The following NNT variants were observed in gnomAD, a reference collection of about 807,000 sequenced individuals.
NNT encodes the protein nicotinamide nucleotide transhydrogenase.
A neutral mutation model predicts 104.8 loss-of-function variants in NNT; 50 were observed. The observed-to-expected ratio is 0.48, with a 90% CI of 0.38 to 0.60. The LOEUF is 0.60. Ranked by LOEUF, NNT falls within the 20% of genes least tolerant of loss-of-function variation. NNT has a pLI of 0.00. For synonymous variants in NNT, 461 were observed against 490.4 expected, an observed-to-expected ratio of 0.94 and a Z score of 0.79; for missense variants, 1,131 against 1,330.7, an observed-to-expected ratio of 0.85 and a Z score of 2.33.
intron 17 of NNT, chr5:43,666,737 C>T (rs1419233635): frequency 7.5e-6 from 9 of 1,204,790 alleles, no homozygotes; most frequent in Middle Eastern, 2.9e-4. Context: ...TCGCACCAGT[C>T]CTTCTGTCCT....
At chr5:43,650,075 T>C (rs1362998698) in intron 11 of NNT, among the ~76,000 whole-genome samples, 3 of 152,228 alleles carry the variant, frequency 2.0e-5, no homozygotes, top group Admixed American at 2.0e-4. Flanking sequence ...CATTTACAGT[T>C]CATGAATACT....
chr5:43,676,743 T>C (rs1187075287), intron 18 of NNT, among the ~76,000 whole-genome samples: 1 of 152,124 alleles, frequency 6.6e-6, no homozygotes, highest in African/African-American at 2.4e-5. Flanking sequence ...TTAAGTCAGA[T>C]AGGTAGATCA....
chr5:43,644,111 C>A, intron 7 of NNT, 81 bp from the exon 8 acceptor site: 1 of 1,314,724 alleles, frequency 7.6e-7, no homozygotes, highest in Non-Finnish European at 1.1e-6. Flanking sequence ...TCCTGAATGC[C>A]CAGAGACTAC....
intron 21 of NNT, among the ~76,000 whole-genome samples, chr5:43,703,686 A>G (rs1243687698): frequency 6.6e-6 from 1 of 152,188 alleles, no homozygotes; most frequent in Non-Finnish European, 1.5e-5. Context: ...TAACATATCA[A>G]TATTATAGAT....
chr5:43,672,348 G>C (rs563581158), intron 17 of NNT, among the ~76,000 whole-genome samples: 1 of 152,330 alleles, frequency 6.6e-6, no homozygotes, highest in Admixed American at 6.5e-5. Context: ...CCTTTGGAGG[G>C]GGGAGAGGCG....
At position 43,633,634 on chromosome 5, in the gene NNT, G is replaced by T. The variant is rs373411371; in HGVS notation, c.964+5247G>T. 7.2e-5 allele frequency among the ~76,000 whole-genome samples: 11 copies of T among 152,302 alleles called. No individual in the cohort carries two copies. The East Asian group carries it at 1.5e-3, about 21-fold the overall frequency. On this transcript the variant is annotated intron_variant, in intron 7 of 21. Transcript: ENST00000344920. Reference sequence around the variant, plus strand: ...GTTATCTTGTCTCCCAGTGAGTGCAGCAGGAGTCTTTGATTTATGCCAGCG... The same window carrying T: ...GTTATCTTGTCTCCCAGTGAGTGCATCAGGAGTCTTTGATTTATGCCAGCG...
chr5:43,654,719 G>A (rs565047861), intron 14 of NNT, among the ~76,000 whole-genome samples: 11 of 152,292 alleles, frequency 7.2e-5, no homozygotes, highest in Admixed American at 3.9e-4. Flanking sequence ...AAAATTGTGT[G>A]CTAGCCACCT....
intron 19 of NNT, among the ~76,000 whole-genome samples, chr5:43,687,030 G>C (rs1742024207): frequency 6.6e-6 from 1 of 152,158 alleles, no homozygotes; most frequent in Non-Finnish European, 1.5e-5. Flanking sequence ...TGGGCACACT[G>C]TGTTGTTTAA....
chr5:43,677,771 G>A lies in NNT; in HGVS notation c.2841G>A (p.Leu947=). 6.2e-7 allele frequency: 1 copy of A among 1,613,726 alleles called. No individual in the cohort carries two copies. The highest frequency in any genetic ancestry group is 8.5e-7 in the Non-Finnish European group (1 of 1,179,740). Residue 947 remains leucine, a synonymous_variant, in exon 19 of 22, where the codon TTG becomes TTA. Coordinates refer to ENST00000344920, the MANE Select transcript of NNT (RefSeq NM_182977.3). ...AAKAQYPIAD[L]VKMLTEQGKK... is the part of the protein sequence containing the mutation. The stretch of plus-strand genomic sequence containing the variant: ...AAGCTCAATACCCCATTGCTGATTT[G>A]GTAAAGATGCTCACTGAGCAAGGCA...
chr5:43,671,497 A>G (rs1741086209), intron 17 of NNT, among the ~76,000 whole-genome samples: 1 of 152,182 alleles, frequency 6.6e-6, no homozygotes, highest in Admixed American at 6.5e-5. Context: ...AAAATCTCTC[A>G]GCATTTGCTT....
chr5:43,664,812 C>T (rs944681823), intron 17 of NNT, among the ~76,000 whole-genome samples: 4 of 152,120 alleles, frequency 2.6e-5, no homozygotes, highest in Non-Finnish European at 5.9e-5. Context: ...TGTGATGTTG[C>T]AATGGTAAAT....
intron 17 of NNT, among the ~76,000 whole-genome samples, chr5:43,661,086 G>T (rs1428390970): frequency 6.6e-6 from 1 of 152,088 alleles, no homozygotes. Context: ...CAAAACAAAG[G>T]ATTTGATAGC....
intron 4 of NNT, among the ~76,000 whole-genome samples, chr5:43,617,157 T>C (rs2111583224): frequency 6.6e-6 from 1 of 152,338 alleles, no homozygotes; most frequent in South Asian, 2.1e-4. Flanking sequence ...AAATTTTATC[T>C]AGAAAATGTA....
chr5:43,675,271 A>G (rs1026653738), intron 17 of NNT, among the ~76,000 whole-genome samples: 7 of 152,148 alleles, frequency 4.6e-5, no homozygotes, highest in African/African-American at 1.7e-4. Context: ...TTTTTACTGA[A>G]AATATATCAG....
At position 43,702,573 on chromosome 5, in the gene NNT, AG is replaced by A. The variant is rs1479838957; in HGVS notation, c.2996-47del. 2.6e-6 allele frequency: 3 copies of A among 1,170,976 alleles called. No homozygotes were observed. The African/African-American group carries it at 4.7e-5, about 18-fold the overall frequency. The allele number at this position is 1,170,976 out of a possible 1,614,324, so 72.5% of individuals were successfully genotyped here. A position where few individuals can be genotyped will look rare whatever the true frequency, so the allele number is the denominator to read the frequency against. On this transcript the variant is annotated intron_variant, in intron 20 of 21. Transcript: ENST00000344920. ...TATAATTTGTCTGAAAATATGTAAA[AG>A]TGACCATTTGAGTTTTATATTCTTT...
chr5:43,662,729 C>CA (rs1010792710), intron 17 of NNT, among the ~76,000 whole-genome samples: 1 of 151,870 alleles, frequency 6.6e-6, no homozygotes, highest in South Asian at 2.1e-4. Context: ...CCTGTCTCTA[C>CA]AAAAAATATA....
In NNT at chr5:43,677,638, CAT is replaced by C; in HGVS notation, c.2795-86_2795-85del. The C allele has an allele frequency of 8.6e-6, 10 of 1,163,394 alleles. 1 individual carries two copies. Among genetic ancestry groups the C allele is most frequent in the South Asian group, 5.0e-5 (4 of 80,520 alleles). The allele number at this position is 1,163,394 out of a possible 1,614,324, so 72.1% of individuals were successfully genotyped here. A position where few individuals can be genotyped will look rare whatever the true frequency, so the allele number is the denominator to read the frequency against. ...AAATGATTGCCTCTGTTGGCATAAA[CAT>C]GTGTTTTCATCAAGAGAGAAGTTGT... On this transcript the variant is annotated intron_variant, in intron 18 of 21. Coordinates refer to ENST00000344920, the MANE Select transcript of NNT (RefSeq NM_182977.3).
intron 7 of NNT, among the ~76,000 whole-genome samples, chr5:43,637,335 T>C (rs1254868734): frequency 1.3e-5 from 2 of 152,186 alleles, no homozygotes; most frequent in African/African-American, 4.8e-5. Context: ...CTCACATGCA[T>C]ACATATATGT....
intron 19 of NNT, among the ~76,000 whole-genome samples, chr5:43,698,681 G>A (rs1209392347): frequency 6.6e-6 from 1 of 151,970 alleles, no homozygotes; most frequent in Non-Finnish European, 1.5e-5. Flanking sequence ...TTAGCCTAGA[G>A]TAAAATTGGT....
Sources: allele counts gnomAD v4.1 joint callset (sites outside exome capture counted in the v4.1 genomes callset), GRCh38; gene constraint gnomAD v4.1.1; transcripts MANE v1.5; gene names NCBI Gene and HGNC (gene_info 2026-07-23, HGNC 2026-07-21).